Variants in DNAJC6 observed in about 807,000 individuals in gnomAD.
DNAJC6 encodes the protein DnaJ heat shock protein family (Hsp40) member C6.
DNAJC6 carries 34 observed loss-of-function variants against 110.0 expected under a neutral mutation model. That is an observed-to-expected ratio of 0.31 (90% CI 0.24 to 0.41). The LOEUF (loss-of-function observed/expected upper bound fraction) is 0.41, where lower values mean the gene tolerates loss of function less well. DNAJC6 is among the 10% of genes least tolerant of loss of function. The pLI, the probability that DNAJC6 is intolerant of heterozygous loss-of-function variation, is 1.00. For synonymous variants in DNAJC6, 406 were observed against 437.2 expected, an observed-to-expected ratio of 0.93 and a Z score of 0.89; for missense variants, 1,031 against 1,207.8, an observed-to-expected ratio of 0.85 and a Z score of 2.17.
At chr1:65,298,624 T>C (rs960357374) in intron 1 of DNAJC6, 1 of 152,206 alleles carries the variant, frequency 6.6e-6, no homozygotes, top group Non-Finnish European at 1.5e-5. Context: ...AAAGTGTTTG[T>C]TAATTATTTA....
chr1:65,392,925 T>G (rs370722667), intron 12 of DNAJC6, 60 bp downstream of exon 12: 16 of 1,399,618 alleles, frequency 1.1e-5, no homozygotes, highest in Non-Finnish European at 1.4e-5. Flanking sequence ...TTGGGCCAAA[T>G]AGGTGGAATT....
intron 4 of DNAJC6, among the ~76,000 whole-genome samples, chr1:65,373,085 A>G (rs543095964): frequency 6.6e-6 from 1 of 152,246 alleles, no homozygotes; most frequent in African/African-American, 2.4e-5. Flanking sequence ...TGCTTGGGTT[A>G]TTTCAGTTAT....
At chr1:65,324,475 C>T (rs1437959633) in intron 1 of DNAJC6, among the ~76,000 whole-genome samples, 1 of 152,094 alleles carries the variant, frequency 6.6e-6, no homozygotes, top group Non-Finnish European at 1.5e-5. Flanking sequence ...TTCTCTGCCT[C>T]AGCCTCCTGA....
chr1:65,391,682 G>A (rs1645928050), intron 11 of DNAJC6, among the ~76,000 whole-genome samples: 1 of 137,022 alleles, frequency 7.3e-6, no homozygotes, highest in South Asian at 2.2e-4. Context: ...CTAGCATAGT[G>A]CCTGAAAAAA....
intron 13 of DNAJC6, among the ~76,000 whole-genome samples, chr1:65,397,214 C>A (rs4916051): frequency 0.19 from 28,259 of 152,040 alleles, 5,853 homozygotes; most frequent in East Asian, 0.58. Context: ...GAATCAACTC[C>A]CCGTCTTCAC....
chr1:65,329,494 A>AT lies in DNAJC6; in HGVS notation c.193+19561dup, dbSNP rs534682552. On this transcript the variant is annotated intron_variant, in intron 1 of 18. Coordinates refer to ENST00000371069, the MANE Select transcript of DNAJC6 (RefSeq NM_001256864.2). ...ATTTTATTAAAATATGTATAGGAAT[A>AT]TTTTTAATATTTTATTCAATATAAT... Among the ~76,000 whole-genome samples, 189 of 151,622 alleles carry AT rather than the reference A, an allele frequency of 1.2e-3. 3 individuals carry two copies. The highest frequency in any genetic ancestry group is 4.2e-3 in the African/African-American group (174 of 41,450).
At chr1:65,309,151 C>G (rs1028638844), upstream of DNAJC6, among the ~76,000 whole-genome samples, 1 of 152,152 alleles carries the variant, frequency 6.6e-6, no homozygotes, top group East Asian at 1.9e-4. Context: ...CACAAGACCC[C>G]TGGTCCTCAA....
chr1:65,292,121 ATTC>A (rs1384721716), intron 1 of DNAJC6, among the ~76,000 whole-genome samples: 1 of 152,084 alleles, frequency 6.6e-6, no homozygotes, highest in East Asian at 1.9e-4. Flanking sequence ...GGTTCAAGGA[ATTC>A]TTCTGCCTCA....
intron 1 of DNAJC6, among the ~76,000 whole-genome samples, chr1:65,274,061 T>C (rs1454189701): frequency 6.6e-6 from 1 of 152,158 alleles, no homozygotes. Flanking sequence ...GGGCAAACTC[T>C]TCCATTATAA....
intron 1 of DNAJC6, among the ~76,000 whole-genome samples, chr1:65,324,326 G>A (rs141168815): frequency 1.9e-4 from 29 of 151,804 alleles, no homozygotes; most frequent in African/African-American, 6.8e-4. Flanking sequence ...GCAGGTGCAC[G>A]CCACTGTGCC....
intron 1 of DNAJC6, among the ~76,000 whole-genome samples, chr1:65,348,017 G>A (rs971136360): frequency 3.9e-5 from 6 of 152,246 alleles, no homozygotes; most frequent in Non-Finnish European, 5.9e-5. Context: ...CTGGTGATTC[G>A]TATGTTTGGC....
chr1:65,296,419 G>A (rs949718720), intron 1 of DNAJC6, among the ~76,000 whole-genome samples: 11 of 152,062 alleles, frequency 7.2e-5, no homozygotes, highest in Non-Finnish European at 1.2e-4. Flanking sequence ...ACTCTGACCC[G>A]GACTGGTCAG....
chr1:65,285,671 T>A (rs1278781299), intron 1 of DNAJC6, among the ~76,000 whole-genome samples: 2 of 152,086 alleles, frequency 1.3e-5, no homozygotes, highest in Non-Finnish European at 2.9e-5. Context: ...TTTTAGGTTT[T>A]TTGTTTTGTT....
chr1:65,393,619 A>G lies in DNAJC6; in HGVS notation c.1903+754A>G, dbSNP rs1645950114. On this transcript the variant is annotated intron_variant, in intron 12 of 18. Coordinates refer to ENST00000371069, the MANE Select transcript of DNAJC6 (RefSeq NM_001256864.2). The stretch of plus-strand genomic sequence containing the variant: ...TCATTGCCAGAGACTCAAACCTTCT[A>G]CTATGAGTCATCTAGGATTTTTTGA... Among the ~76,000 whole-genome samples, 3 of 152,310 alleles carry G rather than the reference A, an allele frequency of 2.0e-5. No homozygotes were observed. In the South Asian group the frequency reaches 6.2e-4, roughly 32 times the overall value.
chr1:65,407,302 T>G (rs551267457), intron 16 of DNAJC6, among the ~76,000 whole-genome samples: 1 of 152,292 alleles, frequency 6.6e-6, no homozygotes, highest in Non-Finnish European at 1.5e-5. Context: ...ATCTGCAGTT[T>G]TAGGTGTCCA....
chr1:65,412,797 A>C, intron 18 of DNAJC6, 127 bp from the exon 19 acceptor site: 2 of 822,662 alleles, frequency 2.4e-6, no homozygotes, highest in Non-Finnish European at 3.9e-6. Context: ...GATTAGGCTG[A>C]AAAGGAGAAA....
intron 14 of DNAJC6, among the ~76,000 whole-genome samples, chr1:65,400,802 A>T (rs1486363870): frequency 1.3e-5 from 2 of 152,216 alleles, no homozygotes; most frequent in East Asian, 3.8e-4. Flanking sequence ...GGGAGTGCAG[A>T]TATCTCTTTG....
At chr1:65,389,523 C>T in intron 10 of DNAJC6, 24 bp from the exon 11 acceptor site, 1 of 1,613,904 alleles carries the variant, frequency 6.2e-7, no homozygotes, top group Middle Eastern at 1.6e-4. Context: ...CTCATTGATG[C>T]TACATGGTCT....
intron 1 of DNAJC6, among the ~76,000 whole-genome samples, chr1:65,335,108 C>CTTT (rs71056100): frequency 1.0e-4 from 15 of 142,958 alleles, no homozygotes; most frequent in African/African-American, 2.6e-4. Context: ...CTATGTCTGT[C>CTTT]TTTTTTTTTT....
Sources: gnomAD v4.1 joint callset for allele counts (sites outside exome capture counted in the v4.1 genomes callset) on GRCh38, gnomAD v4.1.1 for gene constraint, MANE v1.5 for transcripts, NCBI Gene and HGNC (gene_info 2026-07-23, HGNC 2026-07-21) for gene names.